The following ROR1 variants were observed in gnomAD, a reference collection of about 807,000 sequenced individuals.
ROR1 encodes the protein ROR family WNT receptor 1.
A neutral mutation model predicts 78.8 loss-of-function variants in ROR1; 19 were observed. The observed-to-expected ratio is 0.24, with a 90% CI of 0.17 to 0.35. The LOEUF is 0.35. ROR1 is among the 10% of genes least tolerant of loss of function. The pLI is 1.00. For missense variants in ROR1, 917 were observed against 1,177.8 expected (o/e 0.78, Z 3.24); for synonymous variants, 386 against 433.6 (o/e 0.89, Z 1.36).
intron 2 of ROR1, among the ~76,000 whole-genome samples, chr1:64,027,606 C>T (rs1646624103): frequency 6.6e-6 from 1 of 152,210 alleles, no homozygotes; most frequent in Admixed American, 6.5e-5. Context: ...TATATTTCAA[C>T]ATGTTAGATT....
chr1:64,102,867 C>T (rs149401197), intron 4 of ROR1, among the ~76,000 whole-genome samples: 2 of 152,162 alleles, frequency 1.3e-5, no homozygotes, highest in Admixed American at 1.3e-4. Flanking sequence ...CTGGCCTCCA[C>T]GCACTGGATG....
rs375586732 is a variant in ROR1, at chr1:63,950,635, T to C, written c.92-58670T>C. On this transcript the variant is annotated intron_variant, in intron 1 of 8. Coordinates refer to ENST00000371079, the MANE Select transcript of ROR1 (RefSeq NM_005012.4). ...CTCCTGGGAATACAGGGCAGGAGCT[T>C]TCAGCCTCATTTTACCCAATGCCTA... 9.2e-5 allele frequency among the ~76,000 whole-genome samples: 14 copies of C among 152,296 alleles called. No homozygotes were observed. The South Asian group carries it at 2.9e-3, about 32-fold the overall frequency.
chr1:64,000,588 T>C (rs1160240137), intron 1 of ROR1, among the ~76,000 whole-genome samples: 1 of 152,214 alleles, frequency 6.6e-6, no homozygotes, highest in Non-Finnish European at 1.5e-5. Flanking sequence ...GGGATGTTTC[T>C]TTCTTGTCTT....
At chr1:64,039,198 G>T (rs1646726301) in intron 2 of ROR1, among the ~76,000 whole-genome samples, 1 of 152,216 alleles carries the variant, frequency 6.6e-6, no homozygotes. Flanking sequence ...GAGAAAGGGA[G>T]AAAGAATGGC....
chr1:63,872,146 CAT>C (rs1486325080), intron 1 of ROR1, among the ~76,000 whole-genome samples: 1 of 152,198 alleles, frequency 6.6e-6, no homozygotes, highest in African/African-American at 2.4e-5. Context: ...TGAAGAAATT[CAT>C]ATTTTATGCC....
At chr1:63,909,222 T>C (rs180811495) in intron 1 of ROR1, among the ~76,000 whole-genome samples, 1 of 152,254 alleles carries the variant, frequency 6.6e-6, no homozygotes, top group Admixed American at 6.5e-5. Flanking sequence ...ACGAATACTT[T>C]TCCTCAGCTC....
intron 8 of ROR1, among the ~76,000 whole-genome samples, chr1:64,160,239 A>G (rs1649900041): frequency 6.6e-6 from 1 of 152,150 alleles, no homozygotes; most frequent in East Asian, 1.9e-4. Flanking sequence ...CCTCTTATCT[A>G]ATAAATGGAG....
intron 2 of ROR1, among the ~76,000 whole-genome samples, chr1:64,024,721 A>T (rs834473): frequency 0.34 from 50,959 of 152,024 alleles, 8,745 homozygotes; most frequent in South Asian, 0.48. Flanking sequence ...ATCCCTAGCA[A>T]CAGTGCAGGA....
At chr1:64,137,022 A>G (rs984631691) in intron 4 of ROR1, among the ~76,000 whole-genome samples, 3 of 152,166 alleles carry the variant, frequency 2.0e-5, no homozygotes, top group Non-Finnish European at 4.4e-5. Context: ...CTTAAAAAAC[A>G]AAAAACTGTA....
intron 8 of ROR1, chr1:64,171,277 T>TG (rs35255494): frequency 0.029 from 4,612 of 158,768 alleles, 251 homozygotes; most frequent in African/African-American, 0.11. Flanking sequence ...ACATCTTACG[T>TG]GGATGGCAGC....
chr1:63,991,313 T>C (rs1398215383), intron 1 of ROR1, among the ~76,000 whole-genome samples: 1 of 152,214 alleles, frequency 6.6e-6, no homozygotes, highest in African/African-American at 2.4e-5. Flanking sequence ...ATGAGCTTTA[T>C]GGCATGAGTT....
At chr1:64,149,010 G>A (rs909266641) in intron 7 of ROR1, among the ~76,000 whole-genome samples, 18 of 140,620 alleles carry the variant, frequency 1.3e-4, no homozygotes, top group Non-Finnish European at 2.7e-4. Flanking sequence ...GAAGGAATCA[G>A]ATGGAAAAAA....
At chr1:63,814,678 A>G (rs1377868959) in intron 1 of ROR1, among the ~76,000 whole-genome samples, 2 of 151,994 alleles carry the variant, frequency 1.3e-5, no homozygotes, top group Non-Finnish European at 2.9e-5. Flanking sequence ...TCGCATATGC[A>G]GTTCACAACA....
At chr1:64,149,574 A>G (rs1298857582) in intron 7 of ROR1, among the ~76,000 whole-genome samples, 1 of 152,022 alleles carries the variant, frequency 6.6e-6, no homozygotes, top group Non-Finnish European at 1.5e-5. Flanking sequence ...CAGCAGCTCC[A>G]CCCACATCTC....
intron 1 of ROR1, among the ~76,000 whole-genome samples, chr1:63,853,276 A>G (rs1557528106): frequency 6.6e-6 from 1 of 152,316 alleles, no homozygotes; most frequent in East Asian, 1.9e-4. Flanking sequence ...AAAACTTGAG[A>G]ACACACTACA....
intron 2 of ROR1, among the ~76,000 whole-genome samples, chr1:64,016,940 C>T (rs898387112): frequency 6.6e-6 from 1 of 151,298 alleles, no homozygotes; most frequent in Non-Finnish European, 1.5e-5. Context: ...TCTTTTGAGA[C>T]AAGATCTTAT....
At chr1:64,009,279 C>T in intron 1 of ROR1, 26 bp from the exon 2 acceptor site, 1 of 1,555,648 alleles carries the variant, frequency 6.4e-7, no homozygotes, top group South Asian at 1.1e-5. Flanking sequence ...CCTTGTCTTT[C>T]TCCCTTCCCT....
At position 63,988,211 on chromosome 1, in the gene ROR1, T is replaced by A. The variant is rs285352; in HGVS notation, c.92-21094T>A. ...AAATCAACTCCAGGACCCAGCTGTC[T>A]CAGGGTCCAGGCTGGGAAGCTCCAG... On this transcript the variant is annotated intron_variant, in intron 1 of 8. Coordinates refer to ENST00000371079, the MANE Select transcript of ROR1 (RefSeq NM_005012.4). 5.3e-5 allele frequency among the ~76,000 whole-genome samples: 8 copies of A among 152,044 alleles called. No individual in the cohort carries two copies. In the East Asian group the frequency reaches 9.6e-4, roughly 18 times the overall value.
chr1:63,963,228 CAA>C (rs969336184), intron 1 of ROR1, among the ~76,000 whole-genome samples: 2 of 152,076 alleles, frequency 1.3e-5, no homozygotes, highest in African/African-American at 4.8e-5. Flanking sequence ...CCATATGTGA[CAA>C]AGAGTGCTAT....
Sources: gnomAD v4.1 joint callset for allele counts (sites outside exome capture counted in the v4.1 genomes callset) on GRCh38, gnomAD v4.1.1 for gene constraint, MANE v1.5 for transcripts, NCBI Gene and HGNC (gene_info 2026-07-23, HGNC 2026-07-21) for gene names.